GAS2L3: variants seen among roughly 807,000 people sequenced by gnomAD.
GAS2L3 encodes GAS2-like protein 3.
Under a neutral mutation model 37.0 loss-of-function variants are expected in GAS2L3, and 28 were observed. The observed-to-expected ratio is 0.76, with a 90% CI of 0.56 to 1.04. GAS2L3 has a LOEUF of 1.04. Ranked by LOEUF, GAS2L3 falls within the 50% of genes least tolerant of loss-of-function variation. The pLI is 0.00. For synonymous variants in GAS2L3, 290 were observed against 296.6 expected (o/e 0.98, Z 0.23); for missense variants, 793 against 817.6 (o/e 0.97, Z 0.37).
intron 1 of GAS2L3, among the ~76,000 whole-genome samples, chr12:100,576,665 A>G (rs1205924131): frequency 6.6e-6 from 1 of 152,230 alleles, no homozygotes; most frequent in Non-Finnish European, 1.5e-5. Context: ...TATGAGATAC[A>G]GACCATAATT....
At position 100,623,830 on chromosome 12, in the gene GAS2L3, G is replaced by A. The variant is rs942613027; in HGVS notation, c.1025G>A (p.Ser342Asn). 6 of 1,613,864 alleles carry A rather than the reference G, an allele frequency of 3.7e-6. No individual in the cohort carries two copies. Among genetic ancestry groups the A allele is most frequent in the Non-Finnish European group, 5.1e-6 (6 of 1,179,976 alleles). Reference protein sequence around the residue: ...KPSVPVSIPKSKEKQGRPPGA... With the variant: ...KPSVPVSIPKNKEKQGRPPGA... Reference sequence around the variant, plus strand: ...AGCGTGCCAGTTAGTATTCCAAAAAGCAAAGAAAAACAGGGACGTCCACCA... The same window carrying A: ...AGCGTGCCAGTTAGTATTCCAAAAAACAAAGAAAAACAGGGACGTCCACCA... The change falls in exon 10 of 10, where the codon AGC becomes AAC. Residue 342 changes from serine (S) to asparagine (N), a missense_variant. By Grantham distance (46) the Ser-to-Asn change is conservative. Transcript: ENST00000547754.
chr12:100,622,324 C>T lies in GAS2L3; in HGVS notation c.698C>T (p.Ser233Phe). 1 of 1,606,060 alleles carries T rather than the reference C, an allele frequency of 6.2e-7. No individual in the cohort carries two copies. The highest frequency in any genetic ancestry group is 8.5e-7 in the Non-Finnish European group (1 of 1,173,502). The change falls in exon 9 of 10, where the codon TCT becomes TTT. Residue 233 changes from serine (S) to phenylalanine (F), a missense_variant. Ser to Phe is a radical substitution (Grantham distance 155, BLOSUM62 -2). Coordinates refer to ENST00000547754, the MANE Select transcript of GAS2L3 (RefSeq NM_174942.3). The part of the protein sequence containing the change: ...DPPCSCSHRF[S>F]IEYLSEGRYR... ...CCTTGTAGTTGTTCTCATCGATTTTCTATTGAGTATTTATCTGAAGGACGG... is the reference window on the plus strand; with the variant it reads ...CCTTGTAGTTGTTCTCATCGATTTTTTATTGAGTATTTATCTGAAGGACGG...
In GAS2L3 at chr12:100,627,088, CAAAA is replaced by C. The variant is rs566899740; in HGVS notation, c.*2210_*2213del. ...TGGGCAACAGAGTGAGACTCTGTCTCAAAAAAAAAAAAAAAGAAAAAGAAAAGAA... is the reference window on the plus strand; with the variant it reads ...TGGGCAACAGAGTGAGACTCTGTCTCAAAAAAAAAAAGAAAAAGAAAAGAA... On this transcript the variant is annotated 3_prime_UTR_variant, in exon 10 of 10. Transcript: ENST00000547754. Among the ~76,000 whole-genome samples the C allele has an allele frequency of 1.2e-5, 1 of 81,584 alleles. No homozygotes were observed. 53.5% of individuals were successfully genotyped at this position (81,584 alleles called of 152,430 possible).
At chr12:100,577,320 G>A (rs1426290039) in intron 1 of GAS2L3, among the ~76,000 whole-genome samples, 2 of 152,058 alleles carry the variant, frequency 1.3e-5, no homozygotes, top group Non-Finnish European at 2.9e-5. Flanking sequence ...GTTTATATAT[G>A]TCCCCATACA....
At chr12:100,586,004 G>A (rs1443481540) in intron 1 of GAS2L3, among the ~76,000 whole-genome samples, 1 of 151,964 alleles carries the variant, frequency 6.6e-6, no homozygotes, top group Non-Finnish European at 1.5e-5. Context: ...ACGCATCACT[G>A]TTTCACTCCA....
At chr12:100,607,053 C>G (rs984281550) in intron 5 of GAS2L3, among the ~76,000 whole-genome samples, 1 of 152,142 alleles carries the variant, frequency 6.6e-6, no homozygotes, top group Admixed American at 6.5e-5. Flanking sequence ...TCTTATTGCT[C>G]ATTAACATCC....
intron 6 of GAS2L3, among the ~76,000 whole-genome samples, chr12:100,614,697 C>A (rs1036089698): frequency 6.6e-6 from 1 of 152,132 alleles, no homozygotes; most frequent in African/African-American, 2.4e-5. Flanking sequence ...ATTCTCCTAC[C>A]CCATGCCAAG....
intron 7 of GAS2L3, among the ~76,000 whole-genome samples, chr12:100,618,227 T>A (rs1182413031): frequency 6.6e-6 from 1 of 152,166 alleles, no homozygotes; most frequent in East Asian, 1.9e-4. Context: ...GGTAGAATAT[T>A]GGGAGCATCC....
chr12:100,603,464 TGCCCA>T (rs1956017943), intron 5 of GAS2L3, among the ~76,000 whole-genome samples: 1 of 152,228 alleles, frequency 6.6e-6, no homozygotes, highest in African/African-American at 2.4e-5. Flanking sequence ...TCAAATCTTT[TGCCCA>T]TTTTTAAATT....
chr12:100,595,094 T>C (rs1436408714), intron 3 of GAS2L3, among the ~76,000 whole-genome samples, 172 bp downstream of exon 3: 1 of 152,000 alleles, frequency 6.6e-6, no homozygotes, highest in African/African-American at 2.4e-5. Context: ...AAACGTTCAA[T>C]TCTAAGCTTT....
At position 100,601,636 on chromosome 12, in the gene GAS2L3, A is replaced by T. The variant is rs1386676229; in HGVS notation, c.188-2A>T. The T allele has an allele frequency of 2.5e-6, 3 of 1,210,298 alleles. No homozygotes were observed. The highest frequency in any genetic ancestry group is 3.7e-6 in the Non-Finnish European group (3 of 814,106). 75.0% of individuals were successfully genotyped at this position (1,210,298 alleles called of 1,614,324 possible). A position where few individuals can be genotyped will look rare whatever the true frequency, so the allele number is the denominator to read the frequency against. ...ATTCTTAACTTTGAAATATGTTTTT[A>T]GGTATTAAAGTTAAGGCAGAAAAAT... On this transcript the variant is annotated splice_acceptor_variant, in intron 4 of 9. Transcript: ENST00000547754. LOFTEE classifies it high-confidence loss of function.
chr12:100,599,313 T>A (rs182433116), intron 3 of GAS2L3, among the ~76,000 whole-genome samples: 2 of 152,316 alleles, frequency 1.3e-5, no homozygotes, highest in Admixed American at 6.5e-5. Context: ...TAAAGAATAA[T>A]CATATTTCAA....
intron 1 of GAS2L3, among the ~76,000 whole-genome samples, chr12:100,585,120 C>T (rs1456016016): frequency 4.8e-4 from 66 of 136,770 alleles, no homozygotes; most frequent in African/African-American, 1.8e-3. Context: ...AGGATGGTCT[C>T]GATCTTCTGA....
chr12:100,579,844 CA>C (rs1202632985), intron 1 of GAS2L3: 16 of 741,280 alleles, frequency 2.2e-5, no homozygotes, highest in Non-Finnish European at 3.5e-5. Context: ...CAACTGAAGT[CA>C]GGGGCATTGC....
Position 100,617,820 on chromosome 12 carries a change from C to G in GAS2L3, c.509+13C>G, listed in dbSNP as rs1956206031. The G allele has an allele frequency of 2.0e-6, 3 of 1,485,660 alleles. No individual in the cohort carries two copies. The highest frequency in any genetic ancestry group is 2.8e-6 in the Non-Finnish European group (3 of 1,066,696). The allele number at this position is 1,485,660 out of a possible 1,614,324, so 92.0% of individuals were successfully genotyped here. On this transcript the variant is annotated intron_variant, in intron 7 of 9. Coordinates refer to ENST00000547754, the MANE Select transcript of GAS2L3 (RefSeq NM_174942.3). ...GAATTGTGTCAAGGTATGTATTCCA[C>G]AATATTTCAGAATTTCAATGTTATA... is the stretch of plus-strand genomic sequence containing the variant.
At chr12:100,618,712 G>A (rs7961640) in intron 8 of GAS2L3, 125 bp downstream of exon 8, 522,848 of 774,176 alleles carry the variant, frequency 0.68, 178,834 homozygotes, top group Admixed American at 0.78. Context: ...AATATAAACC[G>A]GTACTATTCT....
intron 9 of GAS2L3, 30 bp downstream of exon 9, chr12:100,622,412 C>T: frequency 9.4e-7 from 1 of 1,068,074 alleles, no homozygotes; most frequent in Admixed American, 1.9e-5. Flanking sequence ...TTTATTTACA[C>T]ATAAATACTG....
chr12:100,587,779 G>A lies in GAS2L3; in HGVS notation c.-151-3957G>A, dbSNP rs573205358. Among the ~76,000 whole-genome samples, 11 of 152,280 alleles carry A rather than the reference G, an allele frequency of 7.2e-5. No individual in the cohort carries two copies. In the East Asian group the frequency reaches 1.5e-3, roughly 21 times the overall value. ...GAAATAAAGGGCATCCAGGCTGGGCGCGGTGGCTCACGCCTGTAATCCCAG... is the reference window on the plus strand; with the variant it reads ...GAAATAAAGGGCATCCAGGCTGGGCACGGTGGCTCACGCCTGTAATCCCAG... On this transcript the variant is annotated intron_variant, in intron 1 of 9. Coordinates refer to ENST00000547754, the MANE Select transcript of GAS2L3 (RefSeq NM_174942.3).
At chr12:100,580,876 G>T (rs1167312449) in intron 1 of GAS2L3, among the ~76,000 whole-genome samples, 1 of 152,112 alleles carries the variant, frequency 6.6e-6, no homozygotes, top group Non-Finnish European at 1.5e-5. Context: ...TCATAGTCAT[G>T]GTTGATATAA....
Sources: gnomAD v4.1 joint callset for allele counts (sites outside exome capture counted in the v4.1 genomes callset) on GRCh38, gnomAD v4.1.1 for gene constraint, MANE v1.5 for transcripts, NCBI Gene and HGNC (gene_info 2026-07-23, HGNC 2026-07-21) for gene names.